Variants in DNAH5 observed in about 807,000 individuals in gnomAD.
DNAH5 encodes dynein axonemal heavy chain 5.
A neutral mutation model predicts 518.2 loss-of-function variants in DNAH5; 372 were observed. The ratio of observed to expected loss-of-function variants is 0.72; its 90% CI spans 0.66 to 0.78. DNAH5 has a LOEUF of 0.78. DNAH5 is among the 30% of genes least tolerant of loss of function. The probability of loss-of-function intolerance (pLI) is 0.00; values close to 1 mark genes in which losing one functional copy is unlikely to be tolerated. For synonymous variants in DNAH5, 2,039 were observed against 2,025.9 expected (o/e 1.01, Z -0.17); for missense variants, 5,523 against 5,687.0 (o/e 0.97, Z 0.93).
chr5:13,942,191 A>G (rs1779520931), intron 1 of DNAH5, among the ~76,000 whole-genome samples: 1 of 151,166 alleles, frequency 6.6e-6, no homozygotes, highest in Admixed American at 6.6e-5. Flanking sequence ...GAAAAGATAT[A>G]TGGCTTGACT....
chr5:14,003,678 A>G (rs1784513466), intron 1 of DNAH5, among the ~76,000 whole-genome samples: 1 of 152,222 alleles, frequency 6.6e-6, no homozygotes, highest in South Asian at 2.1e-4. Flanking sequence ...AGAGACTGTC[A>G]CTGCTTTGAC....
chr5:13,884,603 G>A (rs1019147510), intron 19 of DNAH5, among the ~76,000 whole-genome samples: 2 of 152,204 alleles, frequency 1.3e-5, no homozygotes, highest in African/African-American at 4.8e-5. Flanking sequence ...TTGGGAGGCC[G>A]GGGCGGGCGG....
Position 13,793,714 on chromosome 5 carries a change from T to C in DNAH5, c.8025A>G (p.Ile2675Met). The C allele has an allele frequency of 6.2e-7, 1 of 1,614,074 alleles. No individual in the cohort carries two copies. The highest frequency in any genetic ancestry group is 8.5e-7 in the Non-Finnish European group (1 of 1,180,006). Residue 2675 changes from isoleucine to methionine, a missense_variant, in exon 49 of 79, where the codon ATA (isoleucine) becomes ATG (methionine). Around this residue, in one of 3 missense-constraint regions of DNAH5, gnomAD observed 5,121 missense variants for 5,223.3 expected, o/e 0.98. Transcript: ENST00000265104. ...NEWGDQVTNE[I>M]VRQLMEQNGF... ...CATTTTGTTCCATCAGCTGTCGCAC[T>C]ATCTCATTCGTAACCTACAAAAGAC...
intron 1 of DNAH5, among the ~76,000 whole-genome samples, chr5:13,982,453 TAG>T (rs1782745310): frequency 6.6e-6 from 1 of 151,768 alleles, no homozygotes; most frequent in African/African-American, 2.4e-5. Context: ...CATGAGTGAG[TAG>T]ACATATGCAC....
At chr5:13,983,568 G>T (rs760329160) in intron 1 of DNAH5, among the ~76,000 whole-genome samples, 5 of 152,186 alleles carry the variant, frequency 3.3e-5, no homozygotes, top group Non-Finnish European at 5.9e-5. Flanking sequence ...GCACAGGCAA[G>T]GTAGGATAAG....
intron 55 of DNAH5, among the ~76,000 whole-genome samples, chr5:13,771,945 G>A (rs1010981613): frequency 6.6e-6 from 1 of 152,178 alleles, no homozygotes; most frequent in Non-Finnish European, 1.5e-5. Context: ...TCTTAAGGCT[G>A]TTATTGTGGG....
At chr5:13,736,884 T>C (rs1372349891) in intron 66 of DNAH5, among the ~76,000 whole-genome samples, 1 of 152,166 alleles carries the variant, frequency 6.6e-6, no homozygotes, top group Non-Finnish European at 1.5e-5. Context: ...ACAAAAACTA[T>C]AAACAAAATA....
chr5:13,940,441 T>G (rs1196492534), intron 1 of DNAH5, among the ~76,000 whole-genome samples: 1 of 152,118 alleles, frequency 6.6e-6, no homozygotes, highest in Non-Finnish European at 1.5e-5. Flanking sequence ...ACCATTCACG[T>G]TATATATGGC....
intron 1 of DNAH5, among the ~76,000 whole-genome samples, chr5:13,963,252 G>A (rs997514608): frequency 6.6e-6 from 1 of 152,122 alleles, no homozygotes; most frequent in Admixed American, 6.5e-5. Context: ...GGTCCTCCAT[G>A]CCTCTTGCCT....
chr5:13,769,850 A>G (rs7715552), intron 56 of DNAH5, among the ~76,000 whole-genome samples: 1 of 152,074 alleles, frequency 6.6e-6, no homozygotes, highest in Non-Finnish European at 1.5e-5. Flanking sequence ...AGAACACACG[A>G]CATGAAATTA....
intron 1 of DNAH5, among the ~76,000 whole-genome samples, chr5:14,000,986 T>G (rs543429393): frequency 1.3e-5 from 2 of 152,298 alleles, no homozygotes; most frequent in South Asian, 4.2e-4. Context: ...AAATCCGTCC[T>G]TTGCAGCAAC....
Position 13,842,437 on chromosome 5 carries a change from A to AAGAGAGAGAGAGAGAGAGAGAGAGAGAG in DNAH5, c.5272-534_5272-533insCTCTCTCTCTCTCTCTCTCTCTCTCTCT, listed in dbSNP as rs1367769157. The stretch of plus-strand genomic sequence containing the variant: ...GAAAAGAAAAGAAAAGAAAGAAAGA[A>AAGAGAGAGAGAGAGAGAGAGAGAGAGAG]AGAAAGAAAGAAAGAAAGAAAGAAA... On this transcript the variant is annotated intron_variant, in intron 32 of 78. Transcript: ENST00000265104. Among the ~76,000 whole-genome samples the AAGAGAGAGAGAGAGAGAGAGAGAGAGAG allele has an allele frequency of 6.2e-4, 57 of 91,400 alleles. 3 individuals are homozygous for AAGAGAGAGAGAGAGAGAGAGAGAGAGAG. The highest frequency in any genetic ancestry group is 2.3e-3 in the African/African-American group (51 of 22,252). The allele number at this position is 91,400 out of a possible 152,430, so 60.0% of individuals were successfully genotyped here. A position where few individuals can be genotyped will look rare whatever the true frequency, so the allele number is the denominator to read the frequency against.
At chr5:13,907,602 T>C (rs1334427456) in intron 12 of DNAH5, among the ~76,000 whole-genome samples, 1 of 152,204 alleles carries the variant, frequency 6.6e-6, no homozygotes, top group Non-Finnish European at 1.5e-5. Context: ...AAATATGTTT[T>C]CCAAAATGGT....
intron 1 of DNAH5, among the ~76,000 whole-genome samples, chr5:14,005,765 C>T (rs16903005): frequency 0.3 from 45,571 of 152,124 alleles, 7,237 homozygotes; most frequent in East Asian, 0.61. Flanking sequence ...GAGGAAACTC[C>T]ATGAACAAAA....
chr5:13,915,906 CTTT>C (rs1776598481), intron 9 of DNAH5, among the ~76,000 whole-genome samples: 1 of 152,040 alleles, frequency 6.6e-6, no homozygotes, highest in Non-Finnish European at 1.5e-5. Flanking sequence ...TTGCAAGTGG[CTTT>C]TATTACCATG....
intron 15 of DNAH5, among the ~76,000 whole-genome samples, chr5:13,897,331 G>C (rs1325377798): frequency 6.6e-6 from 1 of 152,080 alleles, no homozygotes; most frequent in East Asian, 1.9e-4. Flanking sequence ...CTATCTGGAA[G>C]CAGTTCTTAG....
intron 28 of DNAH5, among the ~76,000 whole-genome samples, chr5:13,863,813 A>G (rs1768823016): frequency 6.6e-6 from 1 of 152,032 alleles, no homozygotes; most frequent in African/African-American, 2.4e-5. Flanking sequence ...GCTGGTGCCC[A>G]TTGCTCGATA....
chr5:13,693,748 CCTT>C (rs202052152), intron 78 of DNAH5, among the ~76,000 whole-genome samples: 2,073 of 152,278 alleles, frequency 0.014, 42 homozygotes, highest in East Asian at 0.054. Flanking sequence ...GAATGAGAAA[CCTT>C]CTTCTAAAAC....
chr5:13,783,554 C>G lies in DNAH5; in HGVS notation c.8821-2595G>C, dbSNP rs115153897. Among the ~76,000 whole-genome samples the G allele has an allele frequency of 7.4e-3, 1,129 of 152,210 alleles. 11 individuals carry two copies. The highest frequency in any genetic ancestry group is 0.041 in the Middle Eastern group (12 of 294). On this transcript the variant is annotated intron_variant, in intron 52 of 78. Coordinates refer to ENST00000265104, the MANE Select transcript of DNAH5 (RefSeq NM_001369.3). ...ATAAGCAGCCCGTTGTTCTGGATCA[C>G]ACACCAGGCAGAGCATGACTCGGGA...
Sources: gnomAD v4.1 joint callset for allele counts (sites outside exome capture counted in the v4.1 genomes callset) on GRCh38, gnomAD v4.1.1 for gene constraint, gnomAD v4.1.1 regional missense constraint, MANE v1.5 for transcripts, NCBI Gene and HGNC (gene_info 2026-07-23, HGNC 2026-07-21) for gene names.